Variants in NKAPD1 observed in about 807,000 individuals in gnomAD.
NKAPD1 encodes uncharacterized protein NKAPD1.
A neutral mutation model predicts 30.9 loss-of-function variants in NKAPD1; 12 were observed. The observed-to-expected ratio is 0.39, with a 90% confidence interval of 0.25 to 0.63. The LOEUF is 0.63. Ranked by LOEUF, NKAPD1 falls within the 20% of genes least tolerant of loss-of-function variation. The pLI is 0.51. For missense variants in NKAPD1, 311 were observed against 344.5 expected, an observed-to-expected ratio of 0.90 and a Z score of 0.77; for synonymous variants, 91 against 113.6, an observed-to-expected ratio of 0.80 and a Z score of 1.26.
chr11:112,080,294 TATC>T, intron 3 of NKAPD1, 112 bp from the exon 4 acceptor site: 1 of 872,742 alleles, frequency 1.1e-6, no homozygotes, highest in Non-Finnish European at 1.8e-6. Flanking sequence ...TTTTAAACAG[TATC>T]ATGTTGTTTC....
chr11:112,078,716 C>T (rs1194578984), intron 3 of NKAPD1, among the ~76,000 whole-genome samples: 1 of 152,102 alleles, frequency 6.6e-6, no homozygotes, highest in Non-Finnish European at 1.5e-5. Flanking sequence ...TGCCACTATG[C>T]CTAGCTACTT....
chr11:112,085,075 T>C lies in NKAPD1; in HGVS notation c.*2103T>C, dbSNP rs1865559539. 1 of 413,976 alleles carries C rather than the reference T, an allele frequency of 2.4e-6. No individual in the cohort carries two copies. 25.6% of individuals were successfully genotyped at this position (413,976 alleles called of 1,614,324 possible). A position where few individuals can be genotyped will look rare whatever the true frequency, so the allele number is the denominator to read the frequency against. The stretch of plus-strand genomic sequence containing the variant: ...TGGGATTAAAAGAAGAGTTGGAGAA[T>C]TCACACTTATTGAGTAACTGATGTC... On this transcript the variant is annotated 3_prime_UTR_variant, in exon 6 of 6. Transcript: ENST00000393047.
Position 112,082,988 on chromosome 11 carries a change from G to A in NKAPD1, c.*16G>A. 3 of 1,575,932 alleles carry A rather than the reference G, an allele frequency of 1.9e-6. No individual in the cohort carries two copies. The highest frequency in any genetic ancestry group is 2.6e-6 in the Non-Finnish European group (3 of 1,167,628). On this transcript the variant is annotated 3_prime_UTR_variant, in exon 6 of 6. Coordinates refer to ENST00000393047, the MANE Select transcript of NKAPD1 (RefSeq NM_018195.4). ...GGATGACTAAATGGGAAACACTTTT[G>A]TTTTCCACATGACTGTGGATATTTA... is the stretch of plus-strand genomic sequence containing the variant.
At chr11:112,077,838 C>CTTTT (rs779925830) in intron 2 of NKAPD1, among the ~76,000 whole-genome samples, 2 of 139,718 alleles carry the variant, frequency 1.4e-5, no homozygotes, top group African/African-American at 5.2e-5. Flanking sequence ...CAGTTAGTTG[C>CTTTT]TTTTTTTTTT....
chr11:112,082,454 TTTC>T lies in NKAPD1; in HGVS notation c.375-8_375-6del, dbSNP rs754071782. The T allele has an allele frequency of 7.3e-6, 11 of 1,510,586 alleles. No homozygotes were observed. The highest frequency in any genetic ancestry group is 1.4e-5 in the African/African-American group (1 of 70,944). The allele number at this position is 1,510,586 out of a possible 1,614,324, so 93.6% of individuals were successfully genotyped here. On this transcript the variant is annotated splice_polypyrimidine_tract_variant and splice_region_variant and intron_variant, in intron 5 of 5. Coordinates refer to ENST00000393047, the MANE Select transcript of NKAPD1 (RefSeq NM_018195.4). The stretch of plus-strand genomic sequence containing the variant: ...ACATAAAAGCTTCTATTTTTTAACT[TTTC>T]TTATTAGTAGTGATCAGCAAGATAT...
At chr11:112,081,924 T>A in intron 4 of NKAPD1, 58 bp from the exon 5 acceptor site, 1 of 1,480,774 alleles carries the variant, frequency 6.8e-7, no homozygotes, top group South Asian at 1.1e-5. Context: ...TAATGTTGCT[T>A]TAATTTCCAA....
intron 2 of NKAPD1, 85 bp from the exon 3 acceptor site, chr11:112,078,130 C>G: frequency 1.0e-6 from 1 of 1,002,834 alleles, no homozygotes; most frequent in South Asian, 1.5e-5. Flanking sequence ...AGGTGTGAGC[C>G]ACTGTGCCCG....
intron 4 of NKAPD1, 72 bp from the exon 5 acceptor site, chr11:112,081,909 CT>C: frequency 8.1e-7 from 1 of 1,239,600 alleles, no homozygotes; most frequent in Non-Finnish European, 1.2e-6. Context: ...ACTCCAAAGT[CT>C]TTCTAATGTT....
At chr11:112,080,643 G>C in intron 4 of NKAPD1, 85 bp downstream of exon 4, 1 of 1,484,476 alleles carries the variant, frequency 6.7e-7, no homozygotes, top group South Asian at 1.3e-5. Flanking sequence ...AAAAACTTGT[G>C]TACAAAAGTT....
intron 2 of NKAPD1, 42 bp downstream of exon 2, chr11:112,075,685 G>C: frequency 3.1e-6 from 5 of 1,588,914 alleles, no homozygotes; most frequent in Non-Finnish European, 4.3e-6. Context: ...CTTACTGAAG[G>C]CAAGCAGTGT....
Position 112,080,536 on chromosome 11 carries a change from T to A in NKAPD1, c.298T>A (p.Tyr100Asn). Residue 100 changes from tyrosine (Y) to asparagine (N), a missense_variant, in exon 4 of 6, where the codon TAT becomes AAT. Tyr to Asn is a moderately radical substitution (Grantham distance 143, BLOSUM62 -2). Transcript: ENST00000393047. ...AKSWNKKFYD[Y>N]EANMPDRWGH... ...ATCCTGGAATAAAAAGTTCTATGAT[T>A]ATGAAGCAAACATGCCAGACAGGTT... The A allele has an allele frequency of 6.2e-7, 1 of 1,613,840 alleles. No homozygotes were observed. Among genetic ancestry groups the A allele is most frequent in the Non-Finnish European group, 8.5e-7 (1 of 1,179,982 alleles).
In NKAPD1 at chr11:112,083,141, C is replaced by A; in HGVS notation, c.*169C>A. 1.7e-6 allele frequency: 1 copy of A among 601,802 alleles called. No homozygotes were observed. Among genetic ancestry groups the A allele is most frequent in the Non-Finnish European group, 2.6e-6 (1 of 382,810 alleles). The allele number at this position is 601,802 out of a possible 1,614,324, so 37.3% of individuals were successfully genotyped here. A position where few individuals can be genotyped will look rare whatever the true frequency, so the allele number is the denominator to read the frequency against. On this transcript the variant is annotated 3_prime_UTR_variant, in exon 6 of 6. Transcript: ENST00000393047. ...TTCTATTTTGGCGTTAAGCTTGATC[C>A]CCTTTTCTTGTTAAAAGGGAATCTG... is the stretch of plus-strand genomic sequence containing the variant.
In NKAPD1 at chr11:112,082,543, C is replaced by A. The variant is rs781062396; in HGVS notation, c.453C>A (p.His151Gln). ...VKSSTHESRK[H>Q]KKSKKSHKKK... is the part of the protein sequence containing the mutation. ...CATCTACCCATGAATCCCGCAAACACAAGAAGTCAAAGAAATCCCACAAAA... is the reference window on the plus strand; with the variant it reads ...CATCTACCCATGAATCCCGCAAACAAAAGAAGTCAAAGAAATCCCACAAAA... The change falls in exon 6 of 6, where the codon CAC (histidine) becomes CAA (glutamine). Residue 151 changes from histidine to glutamine, a missense_variant. Transcript: ENST00000393047. 3 of 1,610,468 alleles carry A rather than the reference C, an allele frequency of 1.9e-6. No homozygotes were observed. The highest frequency in any genetic ancestry group is 2.7e-5 in the African/African-American group (2 of 74,106).
At chr11:112,075,390 A>G (rs985233831) in intron 1 of NKAPD1, among the ~76,000 whole-genome samples, 177 bp from the exon 2 acceptor site, 1 of 152,220 alleles carries the variant, frequency 6.6e-6, no homozygotes, top group African/African-American at 2.4e-5. Flanking sequence ...TTCATCTCAC[A>G]TTAGTGTGTT....
chr11:112,082,186 C>T, intron 5 of NKAPD1, 151 bp downstream of exon 5: 1 of 750,432 alleles, frequency 1.3e-6, no homozygotes, highest in Non-Finnish European at 2.1e-6. Context: ...TCCCTGTTTT[C>T]CCATTCTCTG....
chr11:112,075,113 C>G (rs1280084952), intron 1 of NKAPD1, among the ~76,000 whole-genome samples, 197 bp downstream of exon 1: 2 of 152,212 alleles, frequency 1.3e-5, no homozygotes, highest in Non-Finnish European at 2.9e-5. Context: ...TCCTGACACT[C>G]TCAAATCTAC....
Position 112,082,708 on chromosome 11 carries a change from C to G in NKAPD1, c.618C>G (p.Arg206=). 6.2e-7 allele frequency: 1 copy of G among 1,613,816 alleles called. No homozygotes were observed. Residue 206 remains arginine (R), a synonymous_variant, in exon 6 of 6, where the codon CGC becomes CGG. Coordinates refer to ENST00000393047, the MANE Select transcript of NKAPD1 (RefSeq NM_018195.4). ...GTRKGKQPHK[R]KKKSRKKSLK... Reference sequence around the variant, plus strand: ...GGAAAGGGAAACAACCACATAAACGCAAGAAAAAATCCAGGAAAAAGTCTC... The same window carrying G: ...GGAAAGGGAAACAACCACATAAACGGAAGAAAAAATCCAGGAAAAAGTCTC...
chr11:112,079,851 G>T (rs2135248535), intron 3 of NKAPD1, among the ~76,000 whole-genome samples: 1 of 147,362 alleles, frequency 6.8e-6, no homozygotes, highest in East Asian at 2.0e-4. Context: ...TCACTCTGTT[G>T]CCCAGGCTGG....
At chr11:112,077,024 G>A (rs1349218763) in intron 2 of NKAPD1, among the ~76,000 whole-genome samples, 1 of 152,242 alleles carries the variant, frequency 6.6e-6, no homozygotes, top group African/African-American at 2.4e-5. Flanking sequence ...ATAGGTTGAT[G>A]ATAAGAGGTC....
Sources: allele counts gnomAD v4.1 joint callset (sites outside exome capture counted in the v4.1 genomes callset), GRCh38; gene constraint gnomAD v4.1.1; transcripts MANE v1.5; gene names NCBI Gene and HGNC (gene_info 2026-07-23, HGNC 2026-07-21).